The following SLAMF9 variants were observed in gnomAD, a reference collection of about 807,000 sequenced individuals.
The protein encoded by SLAMF9 is SLAM family member 9.
A neutral mutation model predicts 30.4 loss-of-function variants in SLAMF9; 25 were observed. The observed-to-expected ratio is 0.82, with a 90% confidence interval of 0.60 to 1.15. The LOEUF (loss-of-function observed/expected upper bound fraction) is 1.15, where lower values mean the gene tolerates loss of function less well. SLAMF9 is among the 50% of genes most tolerant of loss of function. SLAMF9 has a pLI of 0.00. For missense variants in SLAMF9, 344 were observed against 346.1 expected (o/e 0.99, Z 0.05); for synonymous variants, 129 against 127.2 (o/e 1.01, Z -0.09).
chr1:159,968,352 A>C, the SLAMF9 span, among the ~76,000 whole-genome samples: 1 of 152,196 alleles, frequency 6.6e-6, no homozygotes, highest in African/African-American at 2.4e-5. Flanking sequence ...TGCATGCCTC[A>C]TCTCTGATGT....
upstream of SLAMF9, among the ~76,000 whole-genome samples, chr1:159,954,805 G>T (rs1651887261): frequency 6.6e-6 from 1 of 152,206 alleles, no homozygotes; most frequent in South Asian, 2.1e-4. Context: ...TTGGCCGGGT[G>T]CAATGGCTCA....
Position 159,954,187 on chromosome 1 carries a change from G to A in SLAMF9, c.-50C>T. The A allele has an allele frequency of 2.5e-6, 4 of 1,609,548 alleles. No individual in the cohort carries two copies. Among genetic ancestry groups the A allele is most frequent in the Non-Finnish European group, 3.4e-6 (4 of 1,176,422 alleles). ...TGTGATTCAGTCAGTCAGTCCCCAG[G>A]ACTGTGCAGAAGACTGCATTAGGAG... is the stretch of plus-strand genomic sequence containing the variant. On this transcript the variant is annotated 5_prime_UTR_variant, in exon 1 of 4. Coordinates refer to ENST00000368093, the MANE Select transcript of SLAMF9 (RefSeq NM_033438.4).
At chr1:159,977,403 TA>T in the SLAMF9 span, among the ~76,000 whole-genome samples, 1 of 152,212 alleles carries the variant, frequency 6.6e-6, no homozygotes, top group African/African-American at 2.4e-5. Context: ...ATGTAGTCTT[TA>T]CTTCAGGAGA....
the SLAMF9 span, chr1:159,976,947 AGAAAGAAAGAAAGAGAAAGAAAGAAG>A: frequency 5.5e-4 from 3 of 5,432 alleles, no homozygotes; most frequent in South Asian, 8.3e-3. Flanking sequence ...AAAGAAAGAA[AGAAAGAAAGAAAGAGAAAGAAAGAAG>A]GAAAGAAGGA....
chr1:159,977,587 A>G, the SLAMF9 span, among the ~76,000 whole-genome samples: 1 of 152,228 alleles, frequency 6.6e-6, no homozygotes, highest in South Asian at 2.1e-4. Context: ...CACTCAGTAG[A>G]GAAGCCTGGT....
chr1:159,973,670 C>T, the SLAMF9 span: 1 of 797,144 alleles, frequency 1.3e-6, no homozygotes, highest in East Asian at 2.7e-5. Flanking sequence ...AACCTCGGGT[C>T]CCCACACATT....
At chr1:159,981,520 A>G in the SLAMF9 span, among the ~76,000 whole-genome samples, 1 of 152,208 alleles carries the variant, frequency 6.6e-6, no homozygotes, top group Non-Finnish European at 1.5e-5. Flanking sequence ...GCCAGAGGGG[A>G]AACAGCCTTC....
chr1:159,952,117 C>T (rs1651766102), intron 3 of SLAMF9, 145 bp downstream of exon 3: 2 of 980,194 alleles, frequency 2.0e-6, no homozygotes, highest in Non-Finnish European at 3.0e-6. Context: ...GGAGGGTCTC[C>T]TCTCCAATCC....
chr1:159,981,691 C>T, the SLAMF9 span, among the ~76,000 whole-genome samples: 789 of 152,334 alleles, frequency 5.2e-3, 5 homozygotes, highest in African/African-American at 0.018. Context: ...TGCAAGAAGC[C>T]TCCAGCCTCC....
upstream of SLAMF9, among the ~76,000 whole-genome samples, chr1:159,958,001 C>T (rs987393646): frequency 2.0e-5 from 3 of 152,186 alleles, no homozygotes; most frequent in East Asian, 1.9e-4. Context: ...GACCTTGATG[C>T]GTCTCACAGT....
At chr1:159,966,857 A>AT in the SLAMF9 span, among the ~76,000 whole-genome samples, 11 of 152,030 alleles carry the variant, frequency 7.2e-5, no homozygotes, top group Non-Finnish European at 1.5e-4. Flanking sequence ...TATATTTTGG[A>AT]TTTTAACTCC....
intron 2 of SLAMF9, among the ~76,000 whole-genome samples, chr1:159,953,091 G>A (rs746695853): frequency 2.0e-5 from 3 of 152,116 alleles, no homozygotes; most frequent in Non-Finnish European, 4.4e-5. Context: ...CCACTGCATC[G>A]GACAGCCTCC....
chr1:159,981,307 C>T, the SLAMF9 span, among the ~76,000 whole-genome samples: 8 of 152,236 alleles, frequency 5.3e-5, no homozygotes, highest in Middle Eastern at 3.4e-3. Context: ...AAGAAACCAA[C>T]CCTGCTGACC....
At chr1:159,972,969 G>T in the SLAMF9 span, 1 of 1,207,866 alleles carries the variant, frequency 8.3e-7, no homozygotes, top group Non-Finnish European at 1.1e-6. Context: ...AGACCCCTGG[G>T]GGCGTCGCCA....
chr1:159,974,301 C>T, the SLAMF9 span, among the ~76,000 whole-genome samples: 9 of 152,292 alleles, frequency 5.9e-5, no homozygotes, highest in South Asian at 1.4e-3. Context: ...CTGCCTCTAT[C>T]CTTTCCCTTT....
the SLAMF9 span, among the ~76,000 whole-genome samples, chr1:159,965,330 T>A: frequency 6.6e-6 from 1 of 152,232 alleles, no homozygotes; most frequent in African/African-American, 2.4e-5. Context: ...GGTTAGAGTG[T>A]TCTGATCAAA....
chr1:159,977,021 G>T, the SLAMF9 span: 1 of 151,540 alleles, frequency 6.6e-6, no homozygotes, highest in African/African-American at 2.4e-5. Flanking sequence ...AGAAAGAAAA[G>T]AAGATTGTAG....
At chr1:159,981,413 T>C in the SLAMF9 span, among the ~76,000 whole-genome samples, 3 of 152,224 alleles carry the variant, frequency 2.0e-5, no homozygotes, top group Non-Finnish European at 4.4e-5. Flanking sequence ...CAGCCTGAGC[T>C]GACTCCTGCA....
At chr1:159,973,805 T>G in the SLAMF9 span, 2 of 1,613,804 alleles carry the variant, frequency 1.2e-6, no homozygotes, top group Non-Finnish European at 1.7e-6. Flanking sequence ...TACCTTGGAC[T>G]TGAACCATGG....
Sources: gnomAD v4.1 joint callset for allele counts (sites outside exome capture counted in the v4.1 genomes callset) on GRCh38, gnomAD v4.1.1 for gene constraint, MANE v1.5 for transcripts, NCBI Gene and HGNC (gene_info 2026-07-23, HGNC 2026-07-21) for gene names.